Variants in TSHZ3 observed in about 807,000 individuals in gnomAD.
The protein encoded by TSHZ3 is teashirt homolog 3.
Under a neutral mutation model 64.5 loss-of-function variants are expected in TSHZ3, and 10 were observed. The ratio of observed to expected loss-of-function variants is 0.16; its 90% CI spans 0.10 to 0.26. The LOEUF (loss-of-function observed/expected upper bound fraction) is 0.26, where lower values mean the gene tolerates loss of function less well. TSHZ3 is among the 10% of genes least tolerant of loss of function. The pLI is 1.00. For synonymous variants in TSHZ3, 608 were observed against 593.1 expected, an observed-to-expected ratio of 1.03 and a Z score of -0.36; for missense variants, 1,242 against 1,421.7, an observed-to-expected ratio of 0.87 and a Z score of 2.03.
chr19:31,184,683 C>A (rs1313030559), intron 5 of TSHZ3, among the ~76,000 whole-genome samples: 2 of 152,186 alleles, frequency 1.3e-5, no homozygotes, highest in African/African-American at 4.8e-5. Context: ...TTAACAGGAG[C>A]ACTTTGCAGA....
intron 4 of TSHZ3, among the ~76,000 whole-genome samples, chr19:31,210,297 A>ATG (rs1975246336): frequency 6.6e-6 from 1 of 152,146 alleles, no homozygotes; most frequent in Admixed American, 6.5e-5. Context: ...CATAGGCTCA[A>ATG]AAGGGCTTTG....
chr19:31,245,275 G>T (rs982100953), intron 1 of TSHZ3, among the ~76,000 whole-genome samples: 3 of 152,054 alleles, frequency 2.0e-5, no homozygotes, highest in Admixed American at 6.6e-5. Flanking sequence ...GCTGAAAAAT[G>T]GGAAAAACTT....
intron 5 of TSHZ3, among the ~76,000 whole-genome samples, chr19:31,179,785 GTGA>G (rs1974678512): frequency 6.7e-6 from 1 of 150,142 alleles, no homozygotes. Flanking sequence ...GATAATGGTG[GTGA>G]TGGTGGTGGT....
In TSHZ3 at chr19:31,277,544, A is replaced by G; in HGVS notation, c.2249T>C (p.Leu750Pro). The G allele has an allele frequency of 6.2e-7, 1 of 1,601,050 alleles. No individual in the cohort carries two copies. The highest frequency in any genetic ancestry group is 8.5e-7 in the Non-Finnish European group (1 of 1,172,384). Reference protein sequence around the residue: ...SLPALDPMSMLFKMSNSLAEK... With the variant: ...SLPALDPMSMPFKMSNSLAEK... ...CGCCAGGCTGTTGCTCATCTTGAAA[A>G]GCATGCTCATGGGGTCCAGGGCAGG... The change falls in exon 2 of 2, where the codon CTT (leucine) becomes CCT (proline). Residue 750 changes from leucine to proline, a missense_variant. Coordinates refer to ENST00000240587, the MANE Select transcript of TSHZ3 (RefSeq NM_020856.4). The surrounding 1 kb of genome is among the most constrained non-coding windows in gnomAD (Gnocchi z 4.5).
chr19:31,298,686 G>A lies in TSHZ3; in HGVS notation c.41-18934C>T, dbSNP rs563204498. On this transcript the variant is annotated intron_variant, in intron 1 of 1. Transcript: ENST00000240587. Reference sequence around the variant, plus strand: ...GCTATAAACCAGCCCGAGAAGGAGCGAGAGCCGTCCATGGGCTCCATGTCA... The same window carrying A: ...GCTATAAACCAGCCCGAGAAGGAGCAAGAGCCGTCCATGGGCTCCATGTCA... Among the ~76,000 whole-genome samples, 14 of 152,174 alleles carry A rather than the reference G, an allele frequency of 9.2e-5. No individual in the cohort carries two copies. In the South Asian group the frequency reaches 2.3e-3, roughly 25 times the overall value.
chr19:31,279,619 G>C lies in TSHZ3; in HGVS notation c.174C>G (p.Ser58Arg). The C allele has an allele frequency of 3.7e-6, 6 of 1,612,168 alleles. No homozygotes were observed. Among genetic ancestry groups the C allele is most frequent in the Non-Finnish European group, 5.1e-6 (6 of 1,178,918 alleles). The change falls in exon 2 of 2, where the codon AGC (serine) becomes AGG (arginine). Residue 58 changes from serine to arginine, a missense_variant. Ser to Arg is a moderately radical substitution (Grantham distance 110). This residue lies in a region of TSHZ3 where 555 missense variants were observed against 704.0 expected (regional missense o/e 0.79). Transcript: ENST00000240587. This position sits in a 1 kb window ranked among gnomAD's most constrained non-coding sequence, Gnocchi z 6.4. ...PEKELARACP[S>R]YQNSPAAEFS... is the part of the protein sequence containing the mutation. ...ACTCGGCGGCCGGGGAGTTCTGGTA[G>C]CTGGGGCAGGCCCTGGCGAGCTCCT...
At position 31,308,654 on chromosome 19, in the gene TSHZ3, C is replaced by A. The variant is rs149290261; in HGVS notation, c.41-28902G>T. The A allele has an allele frequency of 2.8e-5, 11 of 398,576 alleles. No individual in the cohort carries two copies. In the East Asian group the frequency reaches 3.6e-4, roughly 13 times the overall value. 24.7% of individuals were successfully genotyped at this position (398,576 alleles called of 1,614,324 possible). A position where few individuals can be genotyped will look rare whatever the true frequency, so the allele number is the denominator to read the frequency against. ...CAGGGGTAGTGTGAAGAGACTAGGG[C>A]AGCACGTTCTCCACCCACCACGTGC... is the stretch of plus-strand genomic sequence containing the variant. On this transcript the variant is annotated intron_variant, in intron 1 of 1. Coordinates refer to ENST00000240587, the MANE Select transcript of TSHZ3 (RefSeq NM_020856.4).
chr19:31,163,123 T>C (rs947904673), intron 5 of TSHZ3, among the ~76,000 whole-genome samples: 2 of 152,196 alleles, frequency 1.3e-5, no homozygotes, highest in African/African-American at 4.8e-5. Context: ...GGAGGTAAAC[T>C]AGTGGGCCTT....
chr19:31,239,242 T>C (rs1380900255), intron 3 of TSHZ3, among the ~76,000 whole-genome samples: 1 of 152,136 alleles, frequency 6.6e-6, no homozygotes, highest in Non-Finnish European at 1.5e-5. Flanking sequence ...CTATATATGT[T>C]AAAGGTCACT....
intron 4 of TSHZ3, among the ~76,000 whole-genome samples, chr19:31,209,193 G>A (rs945226998): frequency 6.6e-6 from 1 of 152,136 alleles, no homozygotes; most frequent in African/African-American, 2.4e-5. Flanking sequence ...CCAGCCAGGT[G>A]CAGGGGAAAA....
chr19:31,259,167 T>A (rs933542288), intron 1 of TSHZ3, among the ~76,000 whole-genome samples: 1 of 152,182 alleles, frequency 6.6e-6, no homozygotes. Flanking sequence ...TTTAAAACCA[T>A]GGAAATAAAT....
At chr19:31,304,057 C>T (rs962968150) in intron 1 of TSHZ3, among the ~76,000 whole-genome samples, 25 of 151,970 alleles carry the variant, frequency 1.6e-4, no homozygotes, top group Admixed American at 4.6e-4. Flanking sequence ...TCACTGCAAC[C>T]TCCGCCTCCC....
chr19:31,172,604 T>C (rs1487540313), intron 5 of TSHZ3, among the ~76,000 whole-genome samples: 1 of 152,230 alleles, frequency 6.6e-6, no homozygotes, highest in Non-Finnish European at 1.5e-5. Context: ...TTTAACGTTC[T>C]AGTGGAAAGA....
intron 1 of TSHZ3, among the ~76,000 whole-genome samples, chr19:31,319,288 G>A (rs1299692149): frequency 6.6e-6 from 1 of 152,166 alleles, no homozygotes; most frequent in Non-Finnish European, 1.5e-5. Flanking sequence ...CAACACAAAA[G>A]CCTTCTATTA....
intron 5 of TSHZ3, among the ~76,000 whole-genome samples, chr19:31,185,243 G>A (rs1425054750): frequency 1.3e-5 from 2 of 152,132 alleles, no homozygotes; most frequent in African/African-American, 4.8e-5. Context: ...GGCCTCCTCC[G>A]GAGCTGGGCT....
At chr19:31,193,850 T>A (rs1014645035) in intron 5 of TSHZ3, among the ~76,000 whole-genome samples, 2 of 152,224 alleles carry the variant, frequency 1.3e-5, no homozygotes, top group African/African-American at 4.8e-5. Context: ...TAAGGTTAGC[T>A]TAAATTCACT....
intron 4 of TSHZ3, among the ~76,000 whole-genome samples, chr19:31,215,935 TA>T (rs200676584): frequency 1.2e-4 from 18 of 151,624 alleles, no homozygotes; most frequent in African/African-American, 2.7e-4. Context: ...CCAATTGGCT[TA>T]AAAAAACTAT....
chr19:31,293,134 C>G (rs755503374), intron 1 of TSHZ3, among the ~76,000 whole-genome samples: 2 of 152,060 alleles, frequency 1.3e-5, no homozygotes, highest in Non-Finnish European at 2.9e-5. Context: ...AAAATCCATC[C>G]ATCCGCCCAC....
At chr19:31,241,748 C>T (rs1011954207) in intron 3 of TSHZ3, among the ~76,000 whole-genome samples, 3 of 152,222 alleles carry the variant, frequency 2.0e-5, no homozygotes, top group Admixed American at 6.5e-5. Context: ...ATTACAACCC[C>T]GGCAGGGGAC....
Sources: allele counts gnomAD v4.1 joint callset (sites outside exome capture counted in the v4.1 genomes callset), GRCh38; gene constraint gnomAD v4.1.1; regional missense constraint gnomAD v4.1.1; non-coding constraint Gnocchi (gnomAD v3.1); transcripts MANE v1.5; gene names NCBI Gene and HGNC (gene_info 2026-07-23, HGNC 2026-07-21).